EML1: variants seen among roughly 807,000 people sequenced by gnomAD.
EML1 encodes echinoderm microtubule-associated protein-like 1.
Under a neutral mutation model 110.4 loss-of-function variants are expected in EML1, and 27 were observed. That is an observed-to-expected ratio of 0.24 (90% confidence interval 0.18 to 0.34). The LOEUF (loss-of-function observed/expected upper bound fraction) is 0.34, where lower values mean the gene tolerates loss of function less well. Among genes scored for constraint, EML1 ranks in the 10% least tolerant of loss-of-function variants. The pLI is 1.00. For missense variants in EML1, 741 were observed against 1,030.9 expected (o/e 0.72, Z 3.85); for synonymous variants, 344 against 385.8 (o/e 0.89, Z 1.27).
rs1434924928 is a variant in EML1, at chr14:99,784,422, A to G, written c.-27+10409A>G. 6.6e-6 allele frequency among the ~76,000 whole-genome samples: 1 copy of G among 152,250 alleles called. No individual in the cohort carries two copies. The highest frequency in any genetic ancestry group is 1.5e-5 in the Non-Finnish European group (1 of 68,042). On this transcript the variant is annotated intron_variant, in intron 1 of 22. Transcript: ENST00000327921. This position sits in a 1 kb window ranked among gnomAD's most constrained non-coding sequence, Gnocchi z 4.5. ...AGGACATTTTAAAAAGAATTAGCCA[A>G]GCAAATATTGCTTTTAATTTCCCAC... is the stretch of plus-strand genomic sequence containing the variant.
At chr14:99,750,834 C>T (rs564332500) in intron 1 of EML1, among the ~76,000 whole-genome samples, 4 of 152,164 alleles carry the variant, frequency 2.6e-5, no homozygotes, top group African/African-American at 7.2e-5. Context: ...TTCAGGGCTT[C>T]GACCTCTGCC....
intron 1 of EML1, among the ~76,000 whole-genome samples, chr14:99,813,520 G>A (rs1879020259): frequency 6.6e-6 from 1 of 152,120 alleles, no homozygotes; most frequent in Non-Finnish European, 1.5e-5. Context: ...TTTGAGACCA[G>A]CCTAGGTCGC....
chr14:99,879,081 T>C (rs556073744), intron 4 of EML1, among the ~76,000 whole-genome samples: 93 of 152,362 alleles, frequency 6.1e-4, no homozygotes, highest in South Asian at 4.6e-3. Context: ...TGTTTCATAT[T>C]GATGCTAACA....
At position 99,826,881 on chromosome 14, in the gene EML1, A is replaced by T. The variant is rs866994760; in HGVS notation, c.68-23972A>T. On this transcript the variant is annotated intron_variant, in intron 1 of 21. Coordinates refer to ENST00000262233, the MANE Select transcript of EML1 (RefSeq NM_004434.3). The stretch of plus-strand genomic sequence containing the variant: ...TCATCAGGACTGGAATATTCTACAC[A>T]ACAAAGGACTTCATCTTGACTAGGG... Among the ~76,000 whole-genome samples the T allele has an allele frequency of 4.6e-5, 7 of 152,240 alleles. 1 individual carries two copies. Among genetic ancestry groups the T allele is most frequent in the South Asian group, 4.1e-4 (2 of 4,834 alleles).
chr14:99,770,370 A>C (rs1481164359), upstream of EML1, among the ~76,000 whole-genome samples: 1 of 88,654 alleles, frequency 1.1e-5, no homozygotes, highest in Admixed American at 1.0e-4. Flanking sequence ...CTTTTTAAAA[A>C]ATTTCTTTCT....
chr14:99,851,346 C>T (rs146944441), intron 2 of EML1, among the ~76,000 whole-genome samples: 238 of 151,828 alleles, frequency 1.6e-3, no homozygotes, highest in African/African-American at 5.2e-3. Context: ...CTCGCTCTGT[C>T]GCCCAGGCTA....
rs986348584 is a variant in EML1, at chr14:99,827,790, G to A, written c.68-23063G>A. ...ATGTCCAGCCTCCAGGATTGTTTAA[G>A]CCCCCCAGTCTGTAGTACTTTGTTA... On this transcript the variant is annotated intron_variant, in intron 1 of 21. Coordinates refer to ENST00000262233, the MANE Select transcript of EML1 (RefSeq NM_004434.3). This position sits in a 1 kb window ranked among gnomAD's most constrained non-coding sequence, Gnocchi z 4.4. Among the ~76,000 whole-genome samples, 3 of 152,124 alleles carry A rather than the reference G, an allele frequency of 2.0e-5. No individual in the cohort carries two copies. The highest frequency in any genetic ancestry group is 7.2e-5 in the African/African-American group (3 of 41,434).
chr14:99,846,281 A>AT (rs1251744096), intron 1 of EML1, among the ~76,000 whole-genome samples: 4,424 of 109,910 alleles, frequency 0.04, 242 homozygotes, highest in African/African-American at 0.082. Flanking sequence ...CCAGCTGGTG[A>AT]TTTTTTTTTT....
chr14:99,876,173 A>G (rs1227398765), intron 3 of EML1, among the ~76,000 whole-genome samples: 1 of 108,180 alleles, frequency 9.2e-6, no homozygotes, highest in Non-Finnish European at 2.1e-5. Flanking sequence ...GGAGAGAGTC[A>G]CTGGCTACCA....
intron 1 of EML1, among the ~76,000 whole-genome samples, chr14:99,761,594 G>A (rs988060056): frequency 1.3e-5 from 2 of 152,040 alleles, no homozygotes; most frequent in Non-Finnish European, 2.9e-5. Flanking sequence ...ATGCAGAATG[G>A]GCATTCAAAA....
chr14:99,813,719 T>TC (rs2058119498), intron 1 of EML1, among the ~76,000 whole-genome samples: 1 of 151,974 alleles, frequency 6.6e-6, no homozygotes, highest in Admixed American at 6.6e-5. Flanking sequence ...AAAAAAAAAT[T>TC]TTTTTTTAAC....
chr14:99,865,788 C>T, intron 3 of EML1, 142 bp downstream of exon 3: 4 of 1,103,416 alleles, frequency 3.6e-6, no homozygotes, highest in Non-Finnish European at 5.0e-6. Context: ...TATATGGTGC[C>T]ATAACAAGAA....
In EML1 at chr14:99,878,584, C is replaced by T. The variant is rs2059333471; in HGVS notation, c.483C>T (p.Thr161=). 5.6e-6 allele frequency: 9 copies of T among 1,614,024 alleles called. No individual in the cohort carries two copies. In the East Asian group the frequency reaches 2.0e-4, roughly 36 times the overall value. Residue 161 remains threonine, a synonymous_variant, in exon 4 of 22, where the codon ACC becomes ACT. Transcript: ENST00000262233. Reference sequence around the variant, plus strand: ...GAAACCGGAATCGCACAGGCTCCACCAGCAGCTCTTCCAGTGGCAAAAAGA... The same window carrying T: ...GAAACCGGAATCGCACAGGCTCCACTAGCAGCTCTTCCAGTGGCAAAAAGA... The part of the protein sequence containing the change: ...SRGNRNRTGS[T]SSSSSGKKNS...
chr14:99,775,789 C>A (rs2057475433), intron 1 of EML1, among the ~76,000 whole-genome samples: 1 of 152,188 alleles, frequency 6.6e-6, no homozygotes, highest in Non-Finnish European at 1.5e-5. Context: ...ATGCATATAA[C>A]TTATTAGCCT....
chr14:99,837,909 C>T (rs1325227622), intron 1 of EML1, among the ~76,000 whole-genome samples: 1 of 152,208 alleles, frequency 6.6e-6, no homozygotes, highest in African/African-American at 2.4e-5. Flanking sequence ...AAGCAATCCT[C>T]CTGCCTCAGC....
At chr14:99,902,487 A>G (rs2059778617) in intron 9 of EML1, among the ~76,000 whole-genome samples, 1 of 152,220 alleles carries the variant, frequency 6.6e-6, no homozygotes. Context: ...CAAATGTACC[A>G]TAGTTCTTGA....
intron 1 of EML1, among the ~76,000 whole-genome samples, chr14:99,760,083 CAAAAAAAAAAAAAAAA>C (rs61619098): frequency 4.2e-5 from 2 of 47,146 alleles, no homozygotes; most frequent in African/African-American, 2.0e-4. Context: ...GACTCCCTCT[CAAAAAAAAAAAAAAAA>C]AAAAAAAAAA....
At chr14:99,937,114 G>A (rs1242488389) in intron 19 of EML1, among the ~76,000 whole-genome samples, 4 of 152,178 alleles carry the variant, frequency 2.6e-5, no homozygotes. Context: ...GGGTGGGCGG[G>A]TCACACTCAC....
chr14:99,931,018 G>A (rs2060357030), intron 17 of EML1, among the ~76,000 whole-genome samples: 1 of 152,176 alleles, frequency 6.6e-6, no homozygotes, highest in Non-Finnish European at 1.5e-5. Flanking sequence ...TCCGTCACTT[G>A]CAGTATTAGA....
Sources: allele counts gnomAD v4.1 joint callset (sites outside exome capture counted in the v4.1 genomes callset), GRCh38; gene constraint gnomAD v4.1.1; non-coding constraint Gnocchi (gnomAD v3.1); transcripts MANE v1.5; gene names NCBI Gene and HGNC (gene_info 2026-07-23, HGNC 2026-07-21).